Variants in DGKH observed in about 807,000 individuals in gnomAD.
The protein encoded by DGKH is diacylglycerol kinase eta, also known as DAG kinase eta.
A neutral mutation model predicts 159.3 loss-of-function variants in DGKH; 90 were observed. That is an observed-to-expected ratio of 0.57 (90% CI 0.48 to 0.67). DGKH has a LOEUF of 0.67. Among genes scored for constraint, DGKH ranks in the 30% least tolerant of loss-of-function variants. DGKH has a pLI of 0.00. For missense variants in DGKH, 1,181 were observed against 1,506.1 expected (o/e 0.78, Z 3.57); for synonymous variants, 536 against 553.8 (o/e 0.97, Z 0.45).
At chr13:42,062,349 T>C (rs1390292740) in intron 1 of DGKH, among the ~76,000 whole-genome samples, 1 of 152,162 alleles carries the variant, frequency 6.6e-6, no homozygotes, top group Non-Finnish European at 1.5e-5. Flanking sequence ...TTCCACACTG[T>C]GTATTAAGCT....
At chr13:42,226,265 A>G (rs1046357891) in intron 29 of DGKH, among the ~76,000 whole-genome samples, 1 of 152,222 alleles carries the variant, frequency 6.6e-6, no homozygotes, top group Non-Finnish European at 1.5e-5. Flanking sequence ...CACACTAGTC[A>G]GAACGGCAAT....
At chr13:42,080,369 A>G (rs1039386333) in intron 1 of DGKH, among the ~76,000 whole-genome samples, 17 of 152,154 alleles carry the variant, frequency 1.1e-4, no homozygotes, top group African/African-American at 3.9e-4. Flanking sequence ...TATGAGATGG[A>G]TTTCTGCCCC....
At chr13:42,112,057 GC>G (rs949077417) in intron 1 of DGKH, among the ~76,000 whole-genome samples, 8 of 152,302 alleles carry the variant, frequency 5.3e-5, no homozygotes, top group Non-Finnish European at 1.0e-4. Context: ...CCAGACTACA[GC>G]TTTCTGTCAC....
intron 5 of DGKH, 39 bp downstream of exon 5, chr13:42,155,838 A>G: frequency 6.2e-7 from 1 of 1,611,190 alleles, no homozygotes; most frequent in Non-Finnish European, 8.5e-7. Context: ...CCCAACAGTA[A>G]CCATACTGTA....
At chr13:42,143,833 A>C (rs1955644664) in intron 3 of DGKH, among the ~76,000 whole-genome samples, 1 of 150,370 alleles carries the variant, frequency 6.7e-6, no homozygotes, top group East Asian at 2.0e-4. Flanking sequence ...AATTTTGTTG[A>C]TCTTTTAAAA....
rs1958261158 is a variant in DGKH at position 42,230,504 on chromosome 13, A to G, written c.*1316A>G. The G allele has an allele frequency of 6.6e-6, 1 of 152,148 alleles. No individual in the cohort carries two copies. Among genetic ancestry groups the G allele is most frequent in the Non-Finnish European group, 1.5e-5 (1 of 68,010 alleles). 9.4% of individuals were successfully genotyped at this position (152,148 alleles called of 1,614,324 possible). A position where few individuals can be genotyped will look rare whatever the true frequency, so the allele number is the denominator to read the frequency against. On this transcript the variant is annotated 3_prime_UTR_variant, in exon 30 of 30. Transcript: ENST00000337343. ...GCATACGTATCAAAAAGTCACAAAA[A>G]TATCCTTAAATAAGCTTTCTTTAGC...
intron 30 of DGKH, chr13:42,256,127 C>T (rs1958655659): frequency 3.4e-6 from 4 of 1,171,788 alleles, no homozygotes; most frequent in Non-Finnish European, 5.2e-6. Context: ...GAACCCTACT[C>T]AGTGTGAAGC....
In DGKH at chr13:42,171,918, C is replaced by T. The variant is rs189119232; in HGVS notation, c.1368-2142C>T. Among the ~76,000 whole-genome samples, 900 of 151,036 alleles carry T rather than the reference C, an allele frequency of 6.0e-3. 11 individuals carry two copies. The highest frequency in any genetic ancestry group is 9.6e-3 in the Non-Finnish European group (655 of 67,882). ...GATCTTGCCTCACTGCAAGCTCCGC[C>T]TCCCAGGTTCACGCCATTCTCCTGC... On this transcript the variant is annotated intron_variant, in intron 11 of 29. Transcript: ENST00000337343.
At chr13:42,219,209 T>A (rs1420050338) in intron 26 of DGKH, 21 bp from the exon 27 acceptor site, 1 of 1,613,054 alleles carries the variant, frequency 6.2e-7, no homozygotes, top group Non-Finnish European at 8.5e-7. Context: ...TTGTTTTGTC[T>A]TTTAATCTGC....
At chr13:42,155,941 A>T in intron 5 of DGKH, 142 bp downstream of exon 5, 1 of 959,476 alleles carries the variant, frequency 1.0e-6, no homozygotes, top group African/African-American at 1.6e-5. Flanking sequence ...AAAAAAAAAC[A>T]TAGTCATTTA....
chr13:42,219,241 G>A lies in DGKH; in HGVS notation c.3225G>A (p.Ser1075=), dbSNP rs1356028406. The A allele has an allele frequency of 5.0e-6, 8 of 1,613,112 alleles. No homozygotes were observed. The Admixed American group carries it at 1.3e-4, about 27-fold the overall frequency. Residue 1075 remains serine, a synonymous_variant, in exon 27 of 30, where the codon TCG becomes TCA. Coordinates refer to ENST00000337343, the MANE Select transcript of DGKH (RefSeq NM_178009.5). ...CTGCTGGTAAATAGCAGCTGGAATC[G>A]CCACATGAAGAGCGAGTATCCAATG... ...LVGRVPLQLE[S]PHEERVSNAL...
intron 1 of DGKH, among the ~76,000 whole-genome samples, chr13:42,062,210 CA>C (rs1157891689): frequency 6.6e-6 from 1 of 152,130 alleles, no homozygotes; most frequent in Non-Finnish European, 1.5e-5. Flanking sequence ...CTTCTGTTTC[CA>C]AAGTAAGGCA....
At chr13:42,058,962 G>C (rs773585153) in intron 1 of DGKH, among the ~76,000 whole-genome samples, 4 of 152,210 alleles carry the variant, frequency 2.6e-5, no homozygotes, top group Non-Finnish European at 5.9e-5. Context: ...TTAAGTCCCT[G>C]AGATTTGGGC....
intron 26 of DGKH, 110 bp downstream of exon 26, chr13:42,215,777 G>A: frequency 1.1e-6 from 1 of 939,162 alleles, no homozygotes; most frequent in Non-Finnish European, 1.6e-6. Context: ...CAGCCTTCTG[G>A]CTTCCATCCT....
intron 21 of DGKH, among the ~76,000 whole-genome samples, chr13:42,207,693 G>GTATATATATATATATATCTA (rs368253963): frequency 7.9e-6 from 1 of 126,534 alleles, no homozygotes; most frequent in Non-Finnish European, 1.7e-5. Flanking sequence ...TTATTAAAGT[G>GTATATATATATATATATCTA]TGTATATATA....
At chr13:42,182,918 A>AC (rs1247668852) in intron 13 of DGKH, among the ~76,000 whole-genome samples, 3 of 152,042 alleles carry the variant, frequency 2.0e-5, no homozygotes, top group African/African-American at 7.3e-5. Flanking sequence ...TAAAAAAAAA[A>AC]AAAACCACAC....
At chr13:42,051,239 T>A (rs1881275246) in intron 1 of DGKH, among the ~76,000 whole-genome samples, 1 of 152,248 alleles carries the variant, frequency 6.6e-6, no homozygotes, top group Admixed American at 6.5e-5. Context: ...GTATTGAATG[T>A]CAGAAATTCA....
intron 1 of DGKH, among the ~76,000 whole-genome samples, chr13:42,075,775 A>G (rs1239545470): frequency 6.6e-6 from 1 of 151,440 alleles, no homozygotes; most frequent in African/African-American, 2.4e-5. Flanking sequence ...GCTTCCTCCT[A>G]CTCTTTCCTA....
intron 3 of DGKH, among the ~76,000 whole-genome samples, chr13:42,146,150 CTTTTTTTTT>C (rs57139526): frequency 6.3e-5 from 7 of 110,278 alleles, no homozygotes; most frequent in Non-Finnish European, 1.2e-4. Flanking sequence ...TCTGGGGAGG[CTTTTTTTTT>C]TTTTTTTTTG....
Sources: allele counts gnomAD v4.1 joint callset (sites outside exome capture counted in the v4.1 genomes callset), GRCh38; gene constraint gnomAD v4.1.1; transcripts MANE v1.5; gene names NCBI Gene and HGNC (gene_info 2026-07-23, HGNC 2026-07-21).